SHANK2: variants seen among roughly 807,000 people sequenced by gnomAD.
SHANK2 encodes the protein SH3 and multiple ankyrin repeat domains protein 2.
In SHANK2, 43 loss-of-function variants were observed where a neutral mutation model predicts 133.7. That is an observed-to-expected ratio of 0.32 (90% CI 0.25 to 0.41). The LOEUF is 0.41. Among genes scored for constraint, SHANK2 ranks in the 10% least tolerant of loss-of-function variants. SHANK2 has a pLI of 1.00. For missense variants in SHANK2, 1,994 were observed against 2,235.8 expected, an observed-to-expected ratio of 0.89 and a Z score of 2.18; for synonymous variants, 1,017 against 952.8, an observed-to-expected ratio of 1.07 and a Z score of -1.24.
intron 3 of SHANK2, among the ~76,000 whole-genome samples, chr11:71,140,587 G>C (rs1222338179): frequency 6.6e-6 from 1 of 152,246 alleles, no homozygotes; most frequent in Non-Finnish European, 1.5e-5. Flanking sequence ...TGGCTGATGA[G>C]AGCCTCCGAG....
chr11:70,548,744 A>C (rs562283361), intron 17 of SHANK2, among the ~76,000 whole-genome samples: 1 of 152,148 alleles, frequency 6.6e-6, no homozygotes, highest in African/African-American at 2.4e-5. Context: ...GCGTGACCTT[A>C]TTTGTAAACA....
chr11:70,910,806 CAAA>C (rs36001144), intron 10 of SHANK2, among the ~76,000 whole-genome samples: 11 of 136,960 alleles, frequency 8.0e-5, no homozygotes, highest in Non-Finnish European at 1.1e-4. Context: ...GACTCCATCT[CAAA>C]AAAAAAAAAA....
chr11:71,149,250 T>C (rs1555107396), intron 2 of SHANK2, among the ~76,000 whole-genome samples: 1 of 152,182 alleles, frequency 6.6e-6, no homozygotes, highest in East Asian at 1.9e-4. Context: ...GCCACTGGTG[T>C]GCCTCAAAGC....
chr11:70,704,579 C>G (rs1362515652), intron 14 of SHANK2, among the ~76,000 whole-genome samples: 1 of 152,180 alleles, frequency 6.6e-6, no homozygotes, highest in Non-Finnish European at 1.5e-5. Context: ...CTGAGATGTT[C>G]TGTAGTCTGA....
At position 70,805,122 on chromosome 11, in the gene SHANK2, TG is replaced by T. The variant is rs1250593917; in HGVS notation, c.1663+1879del. On this transcript the variant is annotated intron_variant, in intron 13 of 25. Transcript: ENST00000601538. ...ATCTTCACAGGCCTCTCTGCCCCTT[TG>T]GAAGTCCAGGACTAACCTGGCTGCC... Among the ~76,000 whole-genome samples, 6 of 152,160 alleles carry T rather than the reference TG, an allele frequency of 3.9e-5. 1 individual carries two copies. The highest frequency in any genetic ancestry group is 6.3e-3 in the Middle Eastern group (2 of 316).
intron 2 of SHANK2, among the ~76,000 whole-genome samples, chr11:71,156,221 C>G (rs1194939265): frequency 6.6e-6 from 1 of 152,236 alleles, no homozygotes; most frequent in Non-Finnish European, 1.5e-5. Context: ...GCAGCCTGAG[C>G]TGACTCCTCC....
intron 2 of SHANK2, among the ~76,000 whole-genome samples, chr11:71,173,494 C>T (rs1422694057): frequency 6.6e-6 from 1 of 152,246 alleles, no homozygotes; most frequent in South Asian, 2.1e-4. Context: ...CTGTTTTGAA[C>T]CCTCTTCTTT....
At position 71,147,297 on chromosome 11, in the gene SHANK2, G is replaced by A. The variant is rs1325712787; in HGVS notation, c.30C>T (p.Asp10=). 9 of 1,550,818 alleles carry A rather than the reference G, an allele frequency of 5.8e-6. No homozygotes were observed. The highest frequency in any genetic ancestry group is 2.7e-5 in the African/African-American group (2 of 73,038). MPRSPTSSE[D]EMAQSFSDYS... is the part of the protein sequence containing the mutation. ...AGTCGGAGAAGCTCTGGGCCATCTC[G>A]TCCTCGCTGGATGTTGGGCTGCGCG... is the stretch of plus-strand genomic sequence containing the variant. The change falls in exon 3 of 26, where the codon GAC becomes GAT. Residue 10 remains aspartate, a synonymous_variant. Coordinates refer to ENST00000601538, the MANE Select transcript of SHANK2 (RefSeq NM_012309.5).
At chr11:70,686,257 C>T (rs1374409967) in intron 15 of SHANK2, among the ~76,000 whole-genome samples, 6 of 132,614 alleles carry the variant, frequency 4.5e-5, no homozygotes, top group African/African-American at 1.7e-4. Context: ...CACCCATCCA[C>T]ACACCCATCC....
At chr11:70,674,057 C>A (rs1944863664) in intron 15 of SHANK2, among the ~76,000 whole-genome samples, 1 of 152,138 alleles carries the variant, frequency 6.6e-6, no homozygotes, top group South Asian at 2.1e-4. Flanking sequence ...AGAGTTCTTA[C>A]TCCTAGTTCC....
chr11:70,783,089 G>C (rs1412384348), intron 14 of SHANK2, among the ~76,000 whole-genome samples: 1 of 152,204 alleles, frequency 6.6e-6, no homozygotes, highest in Admixed American at 6.5e-5. Flanking sequence ...TGAGGACACA[G>C]AGAGACAGAG....
At chr11:70,656,876 T>G (rs782757701) in intron 17 of SHANK2, among the ~76,000 whole-genome samples, 1 of 152,068 alleles carries the variant, frequency 6.6e-6, no homozygotes, top group Non-Finnish European at 1.5e-5. Flanking sequence ...CCCAAAAGCT[T>G]AGGTAGGAGA....
At chr11:70,534,993 C>A (rs1166610465) in intron 17 of SHANK2, among the ~76,000 whole-genome samples, 6 of 152,276 alleles carry the variant, frequency 3.9e-5, no homozygotes, top group African/African-American at 1.4e-4. Flanking sequence ...GACAAAGGAG[C>A]CATGGCTCCA....
intron 1 of SHANK2, among the ~76,000 whole-genome samples, chr11:71,236,847 A>C (rs549843467): frequency 3.3e-5 from 5 of 152,364 alleles, no homozygotes; most frequent in African/African-American, 1.2e-4. Flanking sequence ...TGGGTGACAC[A>C]GTGAGACTCC....
At chr11:70,646,832 T>TTTATTTA (rs1565210635) in intron 17 of SHANK2, among the ~76,000 whole-genome samples, 1 of 92,476 alleles carries the variant, frequency 1.1e-5, no homozygotes, top group African/African-American at 4.3e-5. Context: ...TTATTTATTT[T>TTTATTTA]ATTTATTTAT....
At chr11:70,730,363 C>T (rs1196748580) in intron 14 of SHANK2, among the ~76,000 whole-genome samples, 2 of 152,108 alleles carry the variant, frequency 1.3e-5, no homozygotes, top group Admixed American at 1.3e-4. Context: ...GCAACCTCCC[C>T]ACTCACGCCC....
intron 21 of SHANK2, among the ~76,000 whole-genome samples, chr11:70,492,996 A>G (rs1478481304): frequency 6.6e-6 from 1 of 151,436 alleles, no homozygotes; most frequent in Non-Finnish European, 1.5e-5. Context: ...GAGTTTCACC[A>G]TGTTGGCCAG....
chr11:70,615,142 C>A (rs1185600502), intron 17 of SHANK2, among the ~76,000 whole-genome samples: 1 of 152,162 alleles, frequency 6.6e-6, no homozygotes, highest in African/African-American at 2.4e-5. Context: ...CCCTCTGAAC[C>A]AAGAGCTGTT....
At chr11:70,680,349 G>T (rs1166693732) in intron 15 of SHANK2, among the ~76,000 whole-genome samples, 3 of 152,286 alleles carry the variant, frequency 2.0e-5, no homozygotes, top group Admixed American at 2.0e-4. Context: ...AGGTCTCACT[G>T]GGCTAAGACT....
Sources: allele counts gnomAD v4.1 joint callset (sites outside exome capture counted in the v4.1 genomes callset), GRCh38; gene constraint gnomAD v4.1.1; transcripts MANE v1.5; gene names NCBI Gene and HGNC (gene_info 2026-07-23, HGNC 2026-07-21).